FARS2: variants seen among roughly 807,000 people sequenced by gnomAD.
FARS2 encodes phenylalanine--tRNA ligase, mitochondrial.
In FARS2, 40 loss-of-function variants were observed where a neutral mutation model predicts 46.4. The observed-to-expected ratio is 0.86, with a 90% confidence interval of 0.67 to 1.12. The LOEUF (loss-of-function observed/expected upper bound fraction) is 1.12, where lower values mean the gene tolerates loss of function less well. Ranked by LOEUF, FARS2 falls within the 50% of genes most tolerant of loss-of-function variation. The pLI, the probability that FARS2 is intolerant of heterozygous loss-of-function variation, is 0.00. For missense variants in FARS2, 513 were observed against 567.9 expected (o/e 0.90, Z 0.98); for synonymous variants, 234 against 214.9 (o/e 1.09, Z -0.78).
intron 6 of FARS2, among the ~76,000 whole-genome samples, chr6:5,690,310 T>C (rs1304122863): frequency 6.6e-6 from 1 of 152,228 alleles, no homozygotes; most frequent in Non-Finnish European, 1.5e-5. Flanking sequence ...CTTTACAATT[T>C]GGCATGATTT....
At chr6:5,526,078 G>T (rs2150440665) in intron 4 of FARS2, among the ~76,000 whole-genome samples, 4 of 152,322 alleles carry the variant, frequency 2.6e-5, no homozygotes, top group Middle Eastern at 3.4e-3. Context: ...AGTGTTTCCT[G>T]TATTGATACG....
At chr6:5,455,956 C>G (rs1226665843) in intron 4 of FARS2, among the ~76,000 whole-genome samples, 1 of 152,170 alleles carries the variant, frequency 6.6e-6, no homozygotes, top group Non-Finnish European at 1.5e-5. Flanking sequence ...GTAGCTTATG[C>G]CTGTAATCCC....
intron 2 of FARS2, among the ~76,000 whole-genome samples, chr6:5,397,667 C>T (rs1467306318): frequency 6.6e-6 from 1 of 152,118 alleles, no homozygotes; most frequent in Non-Finnish European, 1.5e-5. Flanking sequence ...CTAAATAGAA[C>T]ATGTAAAATT....
intron 6 of FARS2, among the ~76,000 whole-genome samples, chr6:5,739,113 G>A (rs1029424536): frequency 6.6e-6 from 1 of 152,090 alleles, no homozygotes; most frequent in African/African-American, 2.4e-5. Flanking sequence ...TGTACACGGA[G>A]TCACACTGAA....
At chr6:5,584,010 T>TC (rs1463543126) in intron 5 of FARS2, among the ~76,000 whole-genome samples, 1 of 152,122 alleles carries the variant, frequency 6.6e-6, no homozygotes. Context: ...GAAGGATTTT[T>TC]CCAGGAGGTA....
chr6:5,610,353 A>G (rs1775107889), intron 5 of FARS2, among the ~76,000 whole-genome samples: 1 of 152,168 alleles, frequency 6.6e-6, no homozygotes, highest in Admixed American at 6.5e-5. Flanking sequence ...CAACAAAAGA[A>G]CACATCAATG....
At chr6:5,356,409 C>T (rs916134082) in intron 1 of FARS2, among the ~76,000 whole-genome samples, 2 of 152,234 alleles carry the variant, frequency 1.3e-5, no homozygotes, top group Admixed American at 1.3e-4. Flanking sequence ...TGAGATGGCA[C>T]CATTGCACTC....
chr6:5,489,993 A>G (rs182972645), intron 4 of FARS2, among the ~76,000 whole-genome samples: 2 of 152,304 alleles, frequency 1.3e-5, no homozygotes, highest in Non-Finnish European at 2.9e-5. Flanking sequence ...GCGTAGGCAC[A>G]ATATCAAGAT....
intron 4 of FARS2, among the ~76,000 whole-genome samples, chr6:5,447,967 T>C (rs1764272852): frequency 6.6e-6 from 1 of 152,234 alleles, no homozygotes; most frequent in African/African-American, 2.4e-5. Flanking sequence ...ACCTTCGTCT[T>C]GAAGAATGCA....
intron 4 of FARS2, among the ~76,000 whole-genome samples, chr6:5,439,203 G>T (rs187325565): frequency 3.5e-4 from 53 of 152,306 alleles, no homozygotes; most frequent in Admixed American, 9.2e-4. Flanking sequence ...AGCCTTTTCT[G>T]TGCTGGTTGG....
intron 6 of FARS2, among the ~76,000 whole-genome samples, chr6:5,637,811 C>T (rs567469674): frequency 1.6e-4 from 24 of 152,250 alleles, no homozygotes; most frequent in Non-Finnish European, 3.1e-4. Context: ...ATCCCCGCTC[C>T]GTATGTGTCT....
Position 5,599,886 on chromosome 6 carries a change from C to CTTT in FARS2, c.1066-13272_1066-13270dup, listed in dbSNP as rs571022826. On this transcript the variant is annotated intron_variant, in intron 5 of 6. Transcript: ENST00000274680. ...TAACAAAGATTTCTCAGGCTTGCTT[C>CTTT]TTTTTTTTTTTTTGTGAAAAAGCAT... Among the ~76,000 whole-genome samples the CTTT allele has an allele frequency of 7.0e-5, 10 of 143,736 alleles. No homozygotes were observed. The South Asian group carries it at 1.5e-3, about 22-fold the overall frequency. The allele number at this position is 143,736 out of a possible 152,430, so 94.3% of individuals were successfully genotyped here. A position where few individuals can be genotyped will look rare whatever the true frequency, so the allele number is the denominator to read the frequency against.
At chr6:5,302,394 C>G (rs903903342) in intron 1 of FARS2, among the ~76,000 whole-genome samples, 4 of 152,092 alleles carry the variant, frequency 2.6e-5, no homozygotes, top group African/African-American at 9.7e-5. Context: ...TCCCTTGTGT[C>G]AGAGAGTCGC....
intron 6 of FARS2, among the ~76,000 whole-genome samples, chr6:5,763,204 G>A (rs1762578064): frequency 6.6e-6 from 1 of 152,128 alleles, no homozygotes; most frequent in Admixed American, 6.5e-5. Context: ...CTTTCTTCCT[G>A]TGCAGGCTCT....
At chr6:5,563,410 G>A (rs938704769) in intron 5 of FARS2, among the ~76,000 whole-genome samples, 2 of 152,138 alleles carry the variant, frequency 1.3e-5, no homozygotes, top group African/African-American at 4.8e-5. Flanking sequence ...GACGTTATTT[G>A]CATATCAAAG....
intron 4 of FARS2, among the ~76,000 whole-genome samples, chr6:5,436,399 G>A (rs1009162232): frequency 1.4e-4 from 21 of 152,054 alleles, no homozygotes; most frequent in East Asian, 1.2e-3. Flanking sequence ...ATCTGTAATA[G>A]CATGGACCAA....
At chr6:5,620,258 C>T (rs1775699322) in intron 6 of FARS2, among the ~76,000 whole-genome samples, 1 of 152,082 alleles carries the variant, frequency 6.6e-6, no homozygotes, top group South Asian at 2.1e-4. Flanking sequence ...TCTCCAGTGC[C>T]CCCTTGGTAG....
chr6:5,287,643 A>G (rs1463449460), intron 1 of FARS2, among the ~76,000 whole-genome samples: 3 of 152,206 alleles, frequency 2.0e-5, no homozygotes, highest in Non-Finnish European at 4.4e-5. Flanking sequence ...GAGTTGGCCT[A>G]CTTTCTGTCG....
At chr6:5,487,619 A>T (rs1766853545) in intron 4 of FARS2, among the ~76,000 whole-genome samples, 1 of 152,178 alleles carries the variant, frequency 6.6e-6, no homozygotes, top group African/African-American at 2.4e-5. Flanking sequence ...AGCCAGATTC[A>T]ACCCTAGCTG....
Sources: allele counts gnomAD v4.1 joint callset (sites outside exome capture counted in the v4.1 genomes callset), GRCh38; gene constraint gnomAD v4.1.1; transcripts MANE v1.5; gene names NCBI Gene and HGNC (gene_info 2026-07-23, HGNC 2026-07-21).